GAN: variants seen among roughly 807,000 people sequenced by gnomAD.
GAN encodes the protein gigaxonin, also known as epididymis secretory sperm binding protein.
GAN carries 48 observed loss-of-function variants against 71.3 expected under a neutral mutation model. The ratio of observed to expected loss-of-function variants is 0.67; its 90% CI spans 0.53 to 0.86. The LOEUF (loss-of-function observed/expected upper bound fraction) is 0.86. Ranked by LOEUF, GAN falls within the 40% of genes least tolerant of loss-of-function variation. The pLI is 0.00. For synonymous variants in GAN, 386 were observed against 276.8 expected (o/e 1.39, Z -3.92); for missense variants, 928 against 770.1 (o/e 1.21, Z -2.43).
chr16:81,329,080 A>G (rs1028601120), intron 1 of GAN, among the ~76,000 whole-genome samples: 21 of 152,266 alleles, frequency 1.4e-4, no homozygotes, highest in African/African-American at 4.6e-4. Flanking sequence ...TTACATGCCA[A>G]TCTTCTGTAG....
At chr16:81,321,495 A>G (rs1909222265) in intron 1 of GAN, among the ~76,000 whole-genome samples, 1 of 152,242 alleles carries the variant, frequency 6.6e-6, no homozygotes, top group Admixed American at 6.5e-5. Flanking sequence ...GCTCTTCCAC[A>G]TAGAAACTCT....
At chr16:81,369,363 G>C (rs310028) in intron 9 of GAN, among the ~76,000 whole-genome samples, 139,024 of 152,252 alleles carry the variant, frequency 0.91, 63,640 homozygotes, top group African/African-American at 0.98. Context: ...ATGCCACCAT[G>C]AAAGAGTAGA....
intron 9 of GAN, among the ~76,000 whole-genome samples, chr16:81,372,267 A>G (rs1373434485): frequency 6.6e-6 from 1 of 152,240 alleles, no homozygotes; most frequent in Admixed American, 6.5e-5. Flanking sequence ...TGCCTTGTTC[A>G]TTGCAAAAAT....
At chr16:81,329,449 C>T (rs917921094) in intron 1 of GAN, among the ~76,000 whole-genome samples, 1 of 152,164 alleles carries the variant, frequency 6.6e-6, no homozygotes, top group Non-Finnish European at 1.5e-5. Flanking sequence ...GCATAATTTC[C>T]CTGACCTTGC....
chr16:81,354,383 G>A, intron 2 of GAN, 22 bp from the exon 3 acceptor site: 1 of 1,471,924 alleles, frequency 6.8e-7, no homozygotes, highest in Non-Finnish European at 9.5e-7. Context: ...TCAAATATAA[G>A]ATAATTATGC....
chr16:81,389,620 G>A lies in GAN; in HGVS notation c.*12024G>A, dbSNP rs1017376199. On this transcript the variant is annotated 3_prime_UTR_variant, in exon 11 of 11. Coordinates refer to ENST00000648994, the MANE Select transcript of GAN (RefSeq NM_022041.4). ...CTATCTGTGAGTGAGACCCATTCAT[G>A]ACACACTAGAAATGTGTACATTCTT... 3.3e-5 allele frequency: 5 copies of A among 152,216 alleles called. No homozygotes were observed. Among genetic ancestry groups the A allele is most frequent in the Admixed American group, 6.5e-5 (1 of 15,274 alleles). The allele number at this position is 152,216 out of a possible 1,614,324, so 9.4% of individuals were successfully genotyped here. A position where few individuals can be genotyped will look rare whatever the true frequency, so the allele number is the denominator to read the frequency against.
chr16:81,370,331 C>T (rs1910999463), intron 9 of GAN, among the ~76,000 whole-genome samples: 1 of 151,984 alleles, frequency 6.6e-6, no homozygotes, highest in South Asian at 2.1e-4. Flanking sequence ...ATGAACCCCA[C>T]CCCCAACCAC....
chr16:81,376,410 A>G (rs946777988), intron 9 of GAN, among the ~76,000 whole-genome samples: 31 of 151,398 alleles, frequency 2.0e-4, no homozygotes, highest in African/African-American at 7.5e-4. Context: ...ACCTGAGCCC[A>G]GGAGCTCAAG....
At chr16:81,325,171 A>G (rs1042478744) in intron 1 of GAN, among the ~76,000 whole-genome samples, 13 of 152,258 alleles carry the variant, frequency 8.5e-5, no homozygotes, top group African/African-American at 3.1e-4. Context: ...AGACTAGTGA[A>G]ATACAGAGCT....
At position 81,371,258 on chromosome 16, in the gene GAN, G is replaced by T. The variant is rs528588756; in HGVS notation, c.1502+5780G>T. 7.9e-5 allele frequency among the ~76,000 whole-genome samples: 12 copies of T among 152,268 alleles called. No individual in the cohort carries two copies. In the South Asian group the frequency reaches 2.5e-3, roughly 32 times the overall value. ...TACTGAGCATCACTGTGGTAGTTGT[G>T]TTCAAGTCCTTGCCTGTTAATTCCA... On this transcript the variant is annotated intron_variant, in intron 9 of 10. Coordinates refer to ENST00000648994, the MANE Select transcript of GAN (RefSeq NM_022041.4).
chr16:81,335,320 A>C, intron 1 of GAN, among the ~76,000 whole-genome samples: 1 of 152,114 alleles, frequency 6.6e-6, no homozygotes, highest in Non-Finnish European at 1.5e-5. Flanking sequence ...ACTACTCTTA[A>C]AATCCATTAA....
In GAN at chr16:81,356,914, C is replaced by G; in HGVS notation, c.763C>G (p.Gln255Glu). Residue 255 changes from glutamine (Q) to glutamate (E), a missense_variant, in exon 4 of 11, where the codon CAG becomes GAG. Gln to Glu is a conservative substitution (Grantham distance 29). Coordinates refer to ENST00000648994, the MANE Select transcript of GAN (RefSeq NM_022041.4). ...AGAGTGTAGCAATATACCGCTCAGC[C>G]AGCCGCAGCAAGGGGAGGCGATGCT... ...VKECSNIPLS[Q>E]PQQGEAMLAN... The G allele has an allele frequency of 1.9e-6, 3 of 1,613,926 alleles. No individual in the cohort carries two copies. The highest frequency in any genetic ancestry group is 2.5e-6 in the Non-Finnish European group (3 of 1,179,838).
rs1313498637 is a variant in GAN, at chr16:81,378,573, A to G, written c.*977A>G. The G allele has an allele frequency of 6.6e-6, 1 of 152,612 alleles. No individual in the cohort carries two copies. The allele number at this position is 152,612 out of a possible 1,614,324, so 9.5% of individuals were successfully genotyped here. A position where few individuals can be genotyped will look rare whatever the true frequency, so the allele number is the denominator to read the frequency against. On this transcript the variant is annotated 3_prime_UTR_variant, in exon 11 of 11. Transcript: ENST00000648994. ...TTTTTCATATAACCTGTCTGAAAGC[A>G]CACAAAGTCTTGTTTACTACTGTTT...
chr16:81,334,833 A>G (rs938071959), intron 1 of GAN, among the ~76,000 whole-genome samples: 2 of 152,204 alleles, frequency 1.3e-5, no homozygotes, highest in African/African-American at 4.8e-5. Context: ...ACATCGCAAT[A>G]TTAAAATCCA....
chr16:81,366,431 A>G (rs760043649), intron 9 of GAN, among the ~76,000 whole-genome samples: 23 of 152,214 alleles, frequency 1.5e-4, no homozygotes, highest in Non-Finnish European at 2.9e-4. Flanking sequence ...TGTTGTAACC[A>G]CTGAGCAGTA....
At chr16:81,332,154 T>A in intron 1 of GAN, among the ~76,000 whole-genome samples, 1 of 137,782 alleles carries the variant, frequency 7.3e-6, no homozygotes. Flanking sequence ...AGAGGGAAAA[T>A]CTGTCTCAAA....
chr16:81,316,146 CTA>C (rs1392144434), intron 1 of GAN, among the ~76,000 whole-genome samples: 2 of 152,124 alleles, frequency 1.3e-5, no homozygotes, highest in Non-Finnish European at 1.5e-5. Flanking sequence ...TTGCAGGAGA[CTA>C]TCTTTTCTTT....
At chr16:81,347,358 T>TTA (rs1236507217) in intron 1 of GAN, among the ~76,000 whole-genome samples, 1 of 152,184 alleles carries the variant, frequency 6.6e-6, no homozygotes, top group Non-Finnish European at 1.5e-5. Context: ...ATATTTGATG[T>TTA]TAAAGATGTA....
chr16:81,353,376 T>G (rs1040401616), intron 2 of GAN, among the ~76,000 whole-genome samples: 1 of 151,768 alleles, frequency 6.6e-6, no homozygotes, highest in Non-Finnish European at 1.5e-5. Context: ...TGCAGTTGAG[T>G]GTTTTTTTCA....
Sources: allele counts gnomAD v4.1 joint callset (sites outside exome capture counted in the v4.1 genomes callset), GRCh38; gene constraint gnomAD v4.1.1; transcripts MANE v1.5; gene names NCBI Gene and HGNC (gene_info 2026-07-23, HGNC 2026-07-21).